BROX: variants seen among roughly 807,000 people sequenced by gnomAD.
BROX encodes the protein BRO1 domain and CAAX motif containing, also known as BRO1 domain-containing protein BROX.
In BROX, 53 loss-of-function variants were observed where a neutral mutation model predicts 61.0. The observed-to-expected ratio is 0.87, with a 90% CI of 0.70 to 1.09. BROX has a LOEUF of 1.09. Ranked by LOEUF, BROX falls within the 50% of genes least tolerant of loss-of-function variation. The pLI is 0.00. For synonymous variants in BROX, 152 were observed against 160.2 expected, an observed-to-expected ratio of 0.95 and a Z score of 0.38; for missense variants, 489 against 472.0, an observed-to-expected ratio of 1.04 and a Z score of -0.33.
intron 1 of BROX, among the ~76,000 whole-genome samples, chr1:222,714,395 T>A (rs910581614): frequency 2.0e-5 from 3 of 150,490 alleles, no homozygotes; most frequent in Middle Eastern, 3.4e-3. Flanking sequence ...TTTAGTAGAG[T>A]CACCGTGTTA....
intron 4 of BROX, among the ~76,000 whole-genome samples, chr1:222,720,201 TAAG>T (rs749575318): frequency 1.9e-4 from 29 of 152,276 alleles, no homozygotes; most frequent in Middle Eastern, 6.8e-3. Context: ...AGAAGCAAAA[TAAG>T]AAAATTTTTG....
intron 3 of BROX, 35 bp from the exon 4 acceptor site, chr1:222,719,228 C>T: frequency 6.8e-7 from 1 of 1,472,720 alleles, no homozygotes; most frequent in Non-Finnish European, 9.4e-7. Context: ...TCTTCTAATT[C>T]TTCTAAAACT....
chr1:222,729,887 C>T, intron 10 of BROX, 140 bp from the exon 11 acceptor site: 1 of 1,004,912 alleles, frequency 1.0e-6, no homozygotes, highest in South Asian at 1.7e-5. Flanking sequence ...ACACCTTCTA[C>T]TTACAGTATT....
At chr1:222,716,584 C>G (rs937023615) in intron 2 of BROX, among the ~76,000 whole-genome samples, 5 of 152,166 alleles carry the variant, frequency 3.3e-5, no homozygotes, top group African/African-American at 9.7e-5. Flanking sequence ...TGGACCATTG[C>G]TTGTTTTTAT....
At chr1:222,718,457 A>G (rs1038660521) in intron 2 of BROX, among the ~76,000 whole-genome samples, 34 of 152,056 alleles carry the variant, frequency 2.2e-4, no homozygotes, top group African/African-American at 8.0e-4. Context: ...TTTGTGTTTT[A>G]TGTCAGATTT....
Position 222,725,458 on chromosome 1 carries a change from T to C in BROX, c.483T>C (p.His161=). 1.3e-6 allele frequency: 2 copies of C among 1,595,010 alleles called. No individual in the cohort carries two copies. Among genetic ancestry groups the C allele is most frequent in the African/African-American group, 1.4e-5 (1 of 73,696 alleles). Residue 161 remains histidine, a synonymous_variant, in exon 7 of 13, where the codon CAT becomes CAC. Transcript: ENST00000340934. ...AGIFKHLKES[H]LPKLITPAEK... ...TTTGTTGTTGTTCTCAGGAAAGTCA[T>C]CTCCCAAAACTCATTACACCTGCGG... is the stretch of plus-strand genomic sequence containing the variant.
chr1:222,715,307 T>A (rs1458130209), intron 1 of BROX: 1 of 152,676 alleles, frequency 6.5e-6, no homozygotes, highest in Non-Finnish European at 1.5e-5. Context: ...ACATTACTGC[T>A]CCTATATATG....
At chr1:222,729,817 G>T in intron 10 of BROX, 116 bp downstream of exon 10, 1 of 1,114,332 alleles carries the variant, frequency 9.0e-7, no homozygotes, top group Non-Finnish European at 1.3e-6. Flanking sequence ...AATGGGAATG[G>T]GTGACATAAT....
At chr1:222,728,933 A>C (rs1657728044) in intron 9 of BROX, 105 bp downstream of exon 9, 2 of 719,640 alleles carry the variant, frequency 2.8e-6, no homozygotes, top group Non-Finnish European at 4.4e-6. Flanking sequence ...TTTTACAAAT[A>C]ATGGACAGCT....
intron 9 of BROX, 29 bp downstream of exon 9, chr1:222,728,857 T>C (rs750683999): frequency 6.8e-7 from 1 of 1,476,754 alleles, no homozygotes; most frequent in South Asian, 1.2e-5. Context: ...AAAAACAATG[T>C]AAATTATTGT....
At chr1:222,721,026 A>G (rs1324534186) in intron 4 of BROX, among the ~76,000 whole-genome samples, 2 of 152,220 alleles carry the variant, frequency 1.3e-5, no homozygotes, top group Non-Finnish European at 2.9e-5. Flanking sequence ...TATAGTTACT[A>G]TGACTACTAC....
At chr1:222,722,636 G>A in intron 5 of BROX, 122 bp downstream of exon 5, 2 of 703,126 alleles carry the variant, frequency 2.8e-6, no homozygotes, top group South Asian at 2.0e-5. Context: ...GCCTTGTAAT[G>A]TTAGTATTTT....
intron 1 of BROX, chr1:222,713,299 C>G (rs1656211256): frequency 9.1e-6 from 9 of 985,930 alleles, no homozygotes; most frequent in South Asian, 9.2e-5. Context: ...GAGGGGAACT[C>G]AAGTGTTGGC....
chr1:222,727,019 C>G (rs1294043867), intron 7 of BROX, 149 bp from the exon 8 acceptor site: 4 of 565,254 alleles, frequency 7.1e-6, no homozygotes, highest in Non-Finnish European at 1.2e-5. Flanking sequence ...TTAATGTTTG[C>G]ATTTTCTATA....
chr1:222,733,076 CTTTTT>C lies in BROX; in HGVS notation c.*379_*383del. The C allele has an allele frequency of 2.7e-5, 2 of 74,320 alleles. No homozygotes were observed. The highest frequency in any genetic ancestry group is 3.1e-4 in the East Asian group (1 of 3,186). 4.6% of individuals were successfully genotyped at this position (74,320 alleles called of 1,614,324 possible). On this transcript the variant is annotated 3_prime_UTR_variant, in exon 13 of 13. Coordinates refer to ENST00000340934, the MANE Select transcript of BROX (RefSeq NM_144695.4). Reference sequence around the variant, plus strand: ...TTTTTTCTTTTTCTTTTTTTTTTTTCTTTTTTTTTTTTTTTTTTTTTGAGGTGGAG... The same window carrying C: ...TTTTTTCTTTTTCTTTTTTTTTTTTCTTTTTTTTTTTTTTTTGAGGTGGAG...
chr1:222,715,926 A>G (rs1463564947), intron 2 of BROX, 126 bp downstream of exon 2: 1 of 577,112 alleles, frequency 1.7e-6, no homozygotes, highest in African/African-American at 1.9e-5. Flanking sequence ...TAAGAGTTAA[A>G]TCATAGATTA....
Position 222,712,601 on chromosome 1 carries a change from C to T in BROX, c.-358C>T, listed in dbSNP as rs1170653914. 3.0e-6 allele frequency: 4 copies of T among 1,349,280 alleles called. No individual in the cohort carries two copies. The highest frequency in any genetic ancestry group is 2.0e-4 in the Middle Eastern group (1 of 4,886). The allele number at this position is 1,349,280 out of a possible 1,614,324, so 83.6% of individuals were successfully genotyped here. ...GCCGCCATCGCTATTGCGGCATTCT[C>T]CCTCGGCTCCGGAGGTAGGGGCAAC... On this transcript the variant is annotated 5_prime_UTR_variant, in exon 1 of 13. Coordinates refer to ENST00000340934, the MANE Select transcript of BROX (RefSeq NM_144695.4).
At chr1:222,728,853 A>G (rs757673802) in intron 9 of BROX, 25 bp downstream of exon 9, 5 of 1,508,176 alleles carry the variant, frequency 3.3e-6, no homozygotes, top group East Asian at 2.3e-5. Flanking sequence ...CGCTAAAAAC[A>G]ATGTAAATTA....
chr1:222,726,237 T>C (rs1470770355), intron 7 of BROX, among the ~76,000 whole-genome samples: 2 of 152,198 alleles, frequency 1.3e-5, no homozygotes, highest in Non-Finnish European at 2.9e-5. Flanking sequence ...AGAAACTTTG[T>C]AGGCTTTCGT....
Sources: gnomAD v4.1 joint callset for allele counts (sites outside exome capture counted in the v4.1 genomes callset) on GRCh38, gnomAD v4.1.1 for gene constraint, MANE v1.5 for transcripts, NCBI Gene and HGNC (gene_info 2026-07-23, HGNC 2026-07-21) for gene names.